Variants in KIFAP3 observed in about 807,000 individuals in gnomAD.
The protein encoded by KIFAP3 is kinesin-associated protein 3.
KIFAP3 carries 68 observed loss-of-function variants against 106.5 expected under a neutral mutation model. The ratio of observed to expected loss-of-function variants is 0.64; its 90% CI spans 0.53 to 0.78. KIFAP3 has a LOEUF of 0.78. Among genes scored for constraint, KIFAP3 ranks in the 30% least tolerant of loss-of-function variants. KIFAP3 has a pLI of 0.00. For missense variants in KIFAP3, 780 were observed against 941.8 expected, an observed-to-expected ratio of 0.83 and a Z score of 2.25; for synonymous variants, 320 against 311.5, an observed-to-expected ratio of 1.03 and a Z score of -0.29.
intron 1 of KIFAP3, among the ~76,000 whole-genome samples, chr1:170,057,401 G>C (rs756837370): frequency 6.6e-6 from 1 of 152,008 alleles, no homozygotes; most frequent in African/African-American, 2.4e-5. Flanking sequence ...GTGTGTTTTA[G>C]AGGAGTAAGT....
intron 13 of KIFAP3, 69 bp from the exon 14 acceptor site, chr1:169,982,936 T>C: frequency 1.2e-6 from 1 of 831,946 alleles, no homozygotes; most frequent in Non-Finnish European, 1.7e-6. Flanking sequence ...CACAGGAATC[T>C]AACAATTTAA....
chr1:170,002,633 T>C (rs755165503), intron 10 of KIFAP3, among the ~76,000 whole-genome samples: 1 of 152,174 alleles, frequency 6.6e-6, no homozygotes, highest in African/African-American at 2.4e-5. Context: ...TTCATACTAG[T>C]AGCTTTCAGT....
At chr1:169,972,217 C>T (rs1665959587) in intron 17 of KIFAP3, among the ~76,000 whole-genome samples, 1 of 151,950 alleles carries the variant, frequency 6.6e-6, no homozygotes, top group African/African-American at 2.4e-5. Flanking sequence ...AAACTGTCTT[C>T]CAACACCCCA....
chr1:170,080,831 C>T lies in KIFAP3; in HGVS notation n.174+4204G>A, dbSNP rs113571373. Among the ~76,000 whole-genome samples, 36 of 152,136 alleles carry T rather than the reference C, an allele frequency of 2.4e-4. 1 individual carries two copies. The highest frequency in any genetic ancestry group is 5.8e-4 in the African/African-American group (24 of 41,546). On this transcript the variant is annotated intron_variant and non_coding_transcript_variant, in intron 1 of 5. Transcript: ENST00000490550. ...TGTGTGTAAATTCCTGTAACCACTA[C>T]CTCAATCAGTATCTAGAATTATTCT...
At chr1:170,022,349 C>T (rs1668883744) in intron 9 of KIFAP3, among the ~76,000 whole-genome samples, 1 of 152,046 alleles carries the variant, frequency 6.6e-6, no homozygotes, top group Non-Finnish European at 1.5e-5. Flanking sequence ...AAGTTTGTTT[C>T]AGCCTTTAGT....
intron 19 of KIFAP3, among the ~76,000 whole-genome samples, chr1:169,953,600 C>T (rs933848597): frequency 7.2e-5 from 11 of 152,082 alleles, no homozygotes; most frequent in South Asian, 2.1e-4. Flanking sequence ...CTGTAAGCTC[C>T]GCCTCCCGGG....
intron 17 of KIFAP3, among the ~76,000 whole-genome samples, chr1:169,963,614 T>G (rs935355611): frequency 1.3e-5 from 2 of 152,104 alleles, no homozygotes; most frequent in African/African-American, 4.8e-5. Context: ...TGCCTCAGCC[T>G]CCAGAATAGC....
intron 5 of KIFAP3, among the ~76,000 whole-genome samples, chr1:170,037,342 G>A (rs1005442264): frequency 1.1e-4 from 16 of 152,112 alleles, no homozygotes; most frequent in Non-Finnish European, 1.6e-4. Flanking sequence ...AACCAGAAAG[G>A]CATTCTCTCT....
chr1:170,052,637 A>ATCAAAAAACTTG (rs1300455438), intron 2 of KIFAP3, among the ~76,000 whole-genome samples: 1 of 152,238 alleles, frequency 6.6e-6, no homozygotes, highest in African/African-American at 2.4e-5. Flanking sequence ...CAAAAAACTT[A>ATCAAAAAACTTG]TCCACCACAA....
At chr1:169,942,075 A>G (rs539860685) in intron 19 of KIFAP3, among the ~76,000 whole-genome samples, 1 of 152,268 alleles carries the variant, frequency 6.6e-6, no homozygotes, top group African/African-American at 2.4e-5. Flanking sequence ...GCTCTTATAA[A>G]GTGAAACTTC....
chr1:170,063,909 T>G (rs565964136), intron 1 of KIFAP3, among the ~76,000 whole-genome samples: 43 of 152,362 alleles, frequency 2.8e-4, no homozygotes, highest in African/African-American at 1.0e-3. Context: ...ATAAATCTAC[T>G]TTTAAGATTT....
At chr1:170,076,871 A>C (rs1671929711), upstream of KIFAP3, among the ~76,000 whole-genome samples, 1 of 152,242 alleles carries the variant, frequency 6.6e-6, no homozygotes, top group Admixed American at 6.5e-5. Flanking sequence ...ATGTTACTTT[A>C]CAATGAGGAG....
At chr1:169,935,173 A>C (rs955587365) in intron 19 of KIFAP3, among the ~76,000 whole-genome samples, 1 of 152,104 alleles carries the variant, frequency 6.6e-6, no homozygotes, top group African/African-American at 2.4e-5. Flanking sequence ...TCACCTCAAA[A>C]AATATCTCAG....
At chr1:169,978,048 G>T in intron 16 of KIFAP3, 37 bp downstream of exon 16, 1 of 1,301,828 alleles carries the variant, frequency 7.7e-7, no homozygotes, top group Non-Finnish European at 1.1e-6. Flanking sequence ...CTGAATATGT[G>T]AAATATTGTT....
At chr1:170,046,024 A>G (rs1358390289) in intron 3 of KIFAP3, among the ~76,000 whole-genome samples, 1 of 152,042 alleles carries the variant, frequency 6.6e-6, no homozygotes, top group Non-Finnish European at 1.5e-5. Context: ...CAGCATGAGA[A>G]TACAGCTTCT....
chr1:170,031,827 A>G (rs1185045803), intron 8 of KIFAP3, 59 bp downstream of exon 8: 4 of 1,090,624 alleles, frequency 3.7e-6, no homozygotes, highest in Non-Finnish European at 5.6e-6. Context: ...AAAGTGAACA[A>G]AACAAATGTA....
rs1314070961 is a variant in KIFAP3 at position 170,070,488 on chromosome 1, C to T, written c.32+3948G>A. 2.0e-5 allele frequency among the ~76,000 whole-genome samples: 3 copies of T among 152,040 alleles called. No homozygotes were observed. In the South Asian group the frequency reaches 6.2e-4, roughly 31 times the overall value. ...ATATAATTGAGAGTGCAGGAATAAA[C>T]CCCAACATTTTTGGTCATTTAATTT... is the stretch of plus-strand genomic sequence containing the variant. On this transcript the variant is annotated intron_variant, in intron 1 of 19. Coordinates refer to ENST00000361580, the MANE Select transcript of KIFAP3 (RefSeq NM_014970.4).
At chr1:170,083,910 A>T (rs1381813274) in intron 1 of KIFAP3, among the ~76,000 whole-genome samples, 3 of 152,210 alleles carry the variant, frequency 2.0e-5, no homozygotes. Context: ...GAAAATGATG[A>T]TGTTATTATT....
At chr1:169,993,602 TC>T (rs375050965) in intron 10 of KIFAP3, among the ~76,000 whole-genome samples, 69,083 of 141,582 alleles carry the variant, frequency 0.49, 34,541 homozygotes, top group African/African-American at 0.51. Flanking sequence ...GTATTCAGTT[TC>T]CCAGGGTCTA....
Sources: gnomAD v4.1 joint callset for allele counts (sites outside exome capture counted in the v4.1 genomes callset) on GRCh38, gnomAD v4.1.1 for gene constraint, MANE v1.5 for transcripts, NCBI Gene and HGNC (gene_info 2026-07-23, HGNC 2026-07-21) for gene names.